Variants in METTL2A observed in about 807,000 individuals in gnomAD.
METTL2A encodes the protein methyltransferase 2A, tRNA N3-cytidine.
METTL2A carries 45 observed loss-of-function variants against 49.4 expected under a neutral mutation model. The ratio of observed to expected loss-of-function variants is 0.91; its 90% confidence interval spans 0.72 to 1.17. The LOEUF (loss-of-function observed/expected upper bound fraction) is 1.17, where lower values mean the gene tolerates loss of function less well. METTL2A is among the 50% of genes most tolerant of loss of function. The pLI is 0.00. For synonymous variants in METTL2A, 118 were observed against 167.5 expected, an observed-to-expected ratio of 0.70 and a Z score of 2.28; for missense variants, 361 against 462.2, an observed-to-expected ratio of 0.78 and a Z score of 2.01.
rs1286983710 is a variant in METTL2A at position 62,451,620 on chromosome 17, G to A, written c.*2891G>A. Among the ~76,000 whole-genome samples, 3 of 151,734 alleles carry A rather than the reference G, an allele frequency of 2.0e-5. 1 individual carries two copies. The South Asian group carries it at 6.2e-4, about 32-fold the overall frequency. On this transcript the variant is annotated 3_prime_UTR_variant, in exon 9 of 9. Transcript: ENST00000311506. The stretch of plus-strand genomic sequence containing the variant: ...ACTGCTAACAATACAGACCTGGCAC[G>A]GTGGCTCACGCCTGTAATCCCAGCA...
chr17:62,441,274 A>G (rs972994845), intron 6 of METTL2A, among the ~76,000 whole-genome samples: 4 of 152,176 alleles, frequency 2.6e-5, no homozygotes, highest in Non-Finnish European at 5.9e-5. Flanking sequence ...CTTCTGCAGT[A>G]GTTGGTTCTT....
In METTL2A at chr17:62,444,850, A is replaced by G. The variant is rs770767774; in HGVS notation, c.823A>G (p.Ile275Val). ...AIVPDKMQKAINRLSRLLKPG... is the reference protein window; with the variant it reads ...AIVPDKMQKAVNRLSRLLKPG... Reference sequence around the variant, plus strand: ...GCTGCTCCACAGGATGCAGAAGGCTATCAACAGGCTGAGCAGGCTTCTGAA... The same window carrying G: ...GCTGCTCCACAGGATGCAGAAGGCTGTCAACAGGCTGAGCAGGCTTCTGAA... Residue 275 changes from isoleucine (I) to valine (V), a missense_variant, in exon 7 of 9, where the codon ATC (isoleucine) becomes GTC (valine). This residue lies in a region of METTL2A where 183 missense variants were observed against 216.5 expected (regional missense o/e 0.85). Coordinates refer to ENST00000311506, the MANE Select transcript of METTL2A (RefSeq NM_181725.4). The G allele has an allele frequency of 6.2e-7, 1 of 1,613,836 alleles. No individual in the cohort carries two copies. The highest frequency in any genetic ancestry group is 8.5e-7 in the Non-Finnish European group (1 of 1,179,862).
intron 4 of METTL2A, among the ~76,000 whole-genome samples, chr17:62,428,727 C>T (rs970661716): frequency 4.6e-5 from 7 of 152,222 alleles, no homozygotes; most frequent in African/African-American, 1.7e-4. Context: ...CCCTGAGGAG[C>T]TCAGTGCAGT....
At chr17:62,424,186 G>A (rs754816142) in intron 1 of METTL2A, 33 bp from the exon 2 acceptor site, 26 of 1,614,136 alleles carry the variant, frequency 1.6e-5, no homozygotes, top group Non-Finnish European at 2.2e-5. Flanking sequence ...GCCAGGACGT[G>A]AGGCCCCTAA....
intron 5 of METTL2A, among the ~76,000 whole-genome samples, chr17:62,439,504 G>A (rs1319008588): frequency 6.6e-6 from 1 of 152,014 alleles, no homozygotes; most frequent in Admixed American, 6.5e-5. Flanking sequence ...TGCCATCTCA[G>A]CTTACTGAAA....
chr17:62,438,353 G>A (rs1000768573), intron 5 of METTL2A, among the ~76,000 whole-genome samples: 1 of 150,360 alleles, frequency 6.7e-6, no homozygotes, highest in African/African-American at 2.5e-5. Context: ...GTTGTAGTGA[G>A]CCAAGATCAC....
intron 4 of METTL2A, among the ~76,000 whole-genome samples, chr17:62,432,852 A>G (rs1438490739): frequency 6.6e-6 from 1 of 151,844 alleles, no homozygotes; most frequent in East Asian, 1.9e-4. Flanking sequence ...AGTCTCAGCT[A>G]CTTTGGAGGC....
chr17:62,436,255 T>A (rs1244908249), intron 5 of METTL2A, among the ~76,000 whole-genome samples: 2 of 150,326 alleles, frequency 1.3e-5, no homozygotes, highest in Admixed American at 6.6e-5. Flanking sequence ...AAAATAAAAA[T>A]ACATTATTGG....
intron 5 of METTL2A, among the ~76,000 whole-genome samples, chr17:62,440,390 T>C (rs907358147): frequency 3.9e-5 from 6 of 152,062 alleles, no homozygotes; most frequent in Non-Finnish European, 7.4e-5. Context: ...TAGAAATATA[T>C]CCCCTACTCT....
At position 62,448,679 on chromosome 17, in the gene METTL2A, G is replaced by C. The variant is rs757244545; in HGVS notation, c.1087G>C (p.Val363Leu). The stretch of plus-strand genomic sequence containing the variant: ...AGGAAAGCAACTGACAATGTACCGG[G>C]TTTGGATTCAGTGCAAATACTGCAA... ...NRGKQLTMYR[V>L]WIQCKYCKPL... The change falls in exon 9 of 9, where the codon GTT becomes CTT. Residue 363 changes from valine to leucine, a missense_variant. Transcript: ENST00000311506. The C allele has an allele frequency of 3.1e-6, 5 of 1,614,176 alleles. No individual in the cohort carries two copies. The East Asian group carries it at 8.9e-5, about 29-fold the overall frequency.
chr17:62,425,086 T>C (rs1567733088), intron 2 of METTL2A, among the ~76,000 whole-genome samples: 1 of 150,940 alleles, frequency 6.6e-6, no homozygotes, highest in Non-Finnish European at 1.5e-5. Context: ...CTTTTTATAG[T>C]TAAAGACACT....
rs967073637 is a variant in METTL2A at position 62,426,297 on chromosome 17, A to G, written c.203-2A>G. The G allele has an allele frequency of 1.3e-6, 2 of 1,569,776 alleles. No individual in the cohort carries two copies. Among genetic ancestry groups the G allele is most frequent in the Non-Finnish European group, 1.7e-6 (2 of 1,152,584 alleles). Reference sequence around the variant, plus strand: ...TTAAAATTTTTTCTTAAATATTTACAGTTGATTATGAGATCAATGCCCACA... The same window carrying G: ...TTAAAATTTTTTCTTAAATATTTACGGTTGATTATGAGATCAATGCCCACA... On this transcript the variant is annotated splice_acceptor_variant, in intron 2 of 8. Coordinates refer to ENST00000311506, the MANE Select transcript of METTL2A (RefSeq NM_181725.4). LOFTEE classifies it high-confidence loss of function.
At chr17:62,436,315 G>A (rs1247899981) in intron 5 of METTL2A, among the ~76,000 whole-genome samples, 10 of 151,922 alleles carry the variant, frequency 6.6e-5, no homozygotes, top group Non-Finnish European at 7.3e-5. Flanking sequence ...GGGAGGCTGA[G>A]GCAGACAGAT....
intron 5 of METTL2A, among the ~76,000 whole-genome samples, chr17:62,440,005 C>T (rs1160365165): frequency 1.3e-5 from 2 of 149,884 alleles, no homozygotes; most frequent in African/African-American, 4.9e-5. Flanking sequence ...AAGTAATTGT[C>T]GTTTTTGCCG....
chr17:62,446,616 A>G (rs1179229143), intron 7 of METTL2A, among the ~76,000 whole-genome samples: 2 of 152,126 alleles, frequency 1.3e-5, no homozygotes, highest in Non-Finnish European at 2.9e-5. Context: ...CTCGGCTTAC[A>G]GCCTTTTTTT....
At position 62,440,710 on chromosome 17, in the gene METTL2A, G is replaced by C. The variant is rs756286160; in HGVS notation, c.763G>C (p.Asp255His). 3 of 1,613,890 alleles carry C rather than the reference G, an allele frequency of 1.9e-6. No homozygotes were observed. Among genetic ancestry groups the C allele is most frequent in the South Asian group, 1.1e-5 (1 of 91,064 alleles). The change falls in exon 6 of 9, where the codon GAT (aspartate) becomes CAT (histidine). Residue 255 changes from aspartate (D) to histidine (H), a missense_variant. By Grantham distance (81) the Asp-to-His change is moderately conservative (BLOSUM62 -1). Coordinates refer to ENST00000311506, the MANE Select transcript of METTL2A (RefSeq NM_181725.4). ...TTACCCAGTGCCCAAGGGCAGTCTTGATATTATCATTCTCATATTTGTTCT... is the reference window on the plus strand; with the variant it reads ...TTACCCAGTGCCCAAGGGCAGTCTTCATATTATCATTCTCATATTTGTTCT... ...KSYPVPKGSL[D>H]IIILIFVLSA... is the part of the protein sequence containing the mutation.
intron 6 of METTL2A, 80 bp downstream of exon 6, chr17:62,440,836 GCT>G (rs2070735005): frequency 6.5e-7 from 1 of 1,537,490 alleles, no homozygotes; most frequent in African/African-American, 1.4e-5. Context: ...ATAGGTTCTT[GCT>G]CTGTCAGCCC....
At position 62,426,792 on chromosome 17, in the gene METTL2A, A is replaced by G. The variant is rs1598029538; in HGVS notation, c.558+138A>G. 4 of 624,536 alleles carry G rather than the reference A, an allele frequency of 6.4e-6. No individual in the cohort carries two copies. The East Asian group carries it at 1.1e-4, about 17-fold the overall frequency. The allele number at this position is 624,536 out of a possible 1,614,324, so 38.7% of individuals were successfully genotyped here. A position where few individuals can be genotyped will look rare whatever the true frequency, so the allele number is the denominator to read the frequency against. ...GACTTGACCCTTATATTAGCCTGGA[A>G]TCACCTCCATTTTTGAACTGATAAA... On this transcript the variant is annotated intron_variant, in intron 3 of 8. Coordinates refer to ENST00000311506, the MANE Select transcript of METTL2A (RefSeq NM_181725.4).
chr17:62,450,065 G>A lies in METTL2A; in HGVS notation c.*1336G>A, dbSNP rs1316847715. ...GCCAAGATCATGTCACTGCATTCCA[G>A]CCTGGGCAACAGAGGAAGACTCCGT... On this transcript the variant is annotated 3_prime_UTR_variant, in exon 9 of 9. Coordinates refer to ENST00000311506, the MANE Select transcript of METTL2A (RefSeq NM_181725.4). 1 of 151,456 alleles carries A rather than the reference G, an allele frequency of 6.6e-6. No individual in the cohort carries two copies. Among genetic ancestry groups the A allele is most frequent in the Non-Finnish European group, 1.5e-5 (1 of 67,968 alleles). The allele number at this position is 151,456 out of a possible 1,614,324, so 9.4% of individuals were successfully genotyped here. A position where few individuals can be genotyped will look rare whatever the true frequency, so the allele number is the denominator to read the frequency against.
Sources: gnomAD v4.1 joint callset for allele counts (sites outside exome capture counted in the v4.1 genomes callset) on GRCh38, gnomAD v4.1.1 for gene constraint, gnomAD v4.1.1 regional missense constraint, MANE v1.5 for transcripts, NCBI Gene and HGNC (gene_info 2026-07-23, HGNC 2026-07-21) for gene names.